The following MCPH1 variants were observed in gnomAD, a reference collection of about 807,000 sequenced individuals.
MCPH1 encodes the protein microcephalin 1.
In MCPH1, 104 loss-of-function variants were observed where a neutral mutation model predicts 84.5. That is an observed-to-expected ratio of 1.23 (90% CI 1.05 to 1.45). The LOEUF is 1.45. MCPH1 is among the 40% of genes most tolerant of loss of function. The pLI, the probability that MCPH1 is intolerant of heterozygous loss-of-function variation, is 0.00. For synonymous variants in MCPH1, 514 were observed against 366.8 expected, an observed-to-expected ratio of 1.40 and a Z score of -4.58; for missense variants, 1,498 against 1,005.7, an observed-to-expected ratio of 1.49 and a Z score of -6.62.
chr8:6,643,018 G>C lies in MCPH1; in HGVS notation c.2477G>C (p.Cys826Ser). 1 of 1,614,118 alleles carries C rather than the reference G, an allele frequency of 6.2e-7. No individual in the cohort carries two copies. The highest frequency in any genetic ancestry group is 8.5e-7 in the Non-Finnish European group (1 of 1,180,000). ...GATTCCATCACCCAGCACAAGGTCT[G>C]TGCCCCTGAAAACTACCTATTGTCA... is the stretch of plus-strand genomic sequence containing the variant. The part of the protein sequence containing the change: ...VLDSITQHKV[C>S]APENYLLSQ Residue 826 changes from cysteine to serine, a missense_variant, in exon 14 of 14, where the codon TGT (cysteine) becomes TCT (serine). Transcript: ENST00000344683.
At chr8:6,492,236 C>A (rs2916723) in intron 11 of MCPH1, among the ~76,000 whole-genome samples, 5 of 152,046 alleles carry the variant, frequency 3.3e-5, no homozygotes, top group African/African-American at 9.7e-5. Context: ...AGTGATGATG[C>A]GCATGTTTTC....
At chr8:6,521,165 T>C in intron 12 of MCPH1, 2 of 1,602,502 alleles carry the variant, frequency 1.2e-6, no homozygotes, top group Non-Finnish European at 1.7e-6. Context: ...GAAAGCATGA[T>C]ATGTAAACTT....
chr8:6,469,661 A>C (rs1362432988), intron 9 of MCPH1, among the ~76,000 whole-genome samples: 2 of 152,228 alleles, frequency 1.3e-5, no homozygotes, highest in Non-Finnish European at 2.9e-5. Flanking sequence ...TGTTTACCAA[A>C]GAACTGATAG....
At chr8:6,569,531 C>T (rs569783216) in intron 12 of MCPH1, among the ~76,000 whole-genome samples, 24 of 152,250 alleles carry the variant, frequency 1.6e-4, no homozygotes, top group East Asian at 1.9e-4. Context: ...TTCAAGTTAC[C>T]GTAAAGACAG....
intron 9 of MCPH1, among the ~76,000 whole-genome samples, chr8:6,476,250 G>A (rs951811607): frequency 1.3e-5 from 2 of 151,952 alleles, no homozygotes; most frequent in Non-Finnish European, 2.9e-5. Flanking sequence ...CCAACATGGT[G>A]GAACCCTGTC....
At chr8:6,428,981 A>T (rs937312393) in intron 3 of MCPH1, among the ~76,000 whole-genome samples, 4 of 152,088 alleles carry the variant, frequency 2.6e-5, no homozygotes, top group Non-Finnish European at 5.9e-5. Flanking sequence ...TGACTTTCTG[A>T]TAGGGAAGTG....
At chr8:6,627,642 G>C (rs1407763559) in intron 13 of MCPH1, among the ~76,000 whole-genome samples, 1 of 152,180 alleles carries the variant, frequency 6.6e-6, no homozygotes, top group Non-Finnish European at 1.5e-5. Flanking sequence ...TATAATCCCA[G>C]CACTTTAGGA....
rs548989241 is a variant in MCPH1 at position 6,628,190 on chromosome 8, G to A, written c.2452+6499G>A. ...TGTAAACATTTAAAAGCGTATTAAG[G>A]CTGGGCGCAGTGGCTCACTCCCGTC... On this transcript the variant is annotated intron_variant, in intron 13 of 13. Transcript: ENST00000344683. Among the ~76,000 whole-genome samples, 5 of 152,146 alleles carry A rather than the reference G, an allele frequency of 3.3e-5. No individual in the cohort carries two copies. The East Asian group carries it at 9.7e-4, about 29-fold the overall frequency.
chr8:6,462,661 G>T (rs1466797376), intron 9 of MCPH1, among the ~76,000 whole-genome samples: 2 of 152,156 alleles, frequency 1.3e-5, no homozygotes, highest in African/African-American at 4.8e-5. Context: ...TTACTCACCT[G>T]CTCTGTGGGT....
At chr8:6,485,609 A>C (rs912263212) in intron 11 of MCPH1, among the ~76,000 whole-genome samples, 1 of 151,470 alleles carries the variant, frequency 6.6e-6, no homozygotes, top group South Asian at 2.1e-4. Context: ...TTTTCCCCTC[A>C]TTCATGGCAA....
chr8:6,437,677 A>G (rs1467217776), intron 5 of MCPH1, among the ~76,000 whole-genome samples: 1 of 152,036 alleles, frequency 6.6e-6, no homozygotes, highest in Non-Finnish European at 1.5e-5. Context: ...GTGCGTGTCC[A>G]TCCTTCCTTC....
At chr8:6,535,875 C>T (rs1820386632) in intron 12 of MCPH1, among the ~76,000 whole-genome samples, 1 of 147,722 alleles carries the variant, frequency 6.8e-6, no homozygotes, top group Non-Finnish European at 1.5e-5. Context: ...TGGTGAAACC[C>T]ATCTCTACAA....
intron 12 of MCPH1, among the ~76,000 whole-genome samples, chr8:6,537,074 C>T (rs1232761859): frequency 6.6e-6 from 1 of 152,054 alleles, no homozygotes; most frequent in Non-Finnish European, 1.5e-5. Context: ...CTGTCATCTG[C>T]ACCGAACTGC....
intron 12 of MCPH1, among the ~76,000 whole-genome samples, chr8:6,531,586 C>A (rs1188932999): frequency 6.6e-6 from 1 of 152,210 alleles, no homozygotes; most frequent in Non-Finnish European, 1.5e-5. Flanking sequence ...GCTACTGCGC[C>A]TGGCCACTAG....
At chr8:6,619,002 A>G (rs1831136616) in intron 12 of MCPH1, 1 of 152,230 alleles carries the variant, frequency 6.6e-6, no homozygotes, top group East Asian at 1.9e-4. Context: ...TGTTTATAAC[A>G]GTGAGAAAAA....
chr8:6,625,483 G>C (rs1307485828), intron 13 of MCPH1: 2 of 985,006 alleles, frequency 2.0e-6, no homozygotes, highest in Non-Finnish European at 1.2e-6. Context: ...GAAAAACTAG[G>C]AATATATCAA....
At chr8:6,432,789 C>A (rs947397134) in intron 4 of MCPH1, among the ~76,000 whole-genome samples, 1 of 152,260 alleles carries the variant, frequency 6.6e-6, no homozygotes, top group Non-Finnish European at 1.5e-5. Flanking sequence ...TCAGTCTTAC[C>A]TGATTATAGG....
chr8:6,643,699 A>T lies in MCPH1; in HGVS notation c.*650A>T, dbSNP rs1470272125. 1 of 154,022 alleles carries T rather than the reference A, an allele frequency of 6.5e-6. No individual in the cohort carries two copies. The highest frequency in any genetic ancestry group is 2.0e-4 in the South Asian group (1 of 4,952). 9.5% of individuals were successfully genotyped at this position (154,022 alleles called of 1,614,324 possible). A position where few individuals can be genotyped will look rare whatever the true frequency, so the allele number is the denominator to read the frequency against. On this transcript the variant is annotated 3_prime_UTR_variant, in exon 14 of 14. Coordinates refer to ENST00000344683, the MANE Select transcript of MCPH1 (RefSeq NM_024596.5). Reference sequence around the variant, plus strand: ...GCTTAGACTCGATCTTTATTAATACATTATCTATTAGGTAGGAAAGACATT... The same window carrying T: ...GCTTAGACTCGATCTTTATTAATACTTTATCTATTAGGTAGGAAAGACATT...
chr8:6,512,260 CA>C (rs999393286), intron 12 of MCPH1, among the ~76,000 whole-genome samples: 1 of 152,168 alleles, frequency 6.6e-6, no homozygotes, highest in African/African-American at 2.4e-5. Flanking sequence ...GTTGGTTGTT[CA>C]GGCAACTTGA....
Sources: gnomAD v4.1 joint callset for allele counts (sites outside exome capture counted in the v4.1 genomes callset) on GRCh38, gnomAD v4.1.1 for gene constraint, MANE v1.5 for transcripts, NCBI Gene and HGNC (gene_info 2026-07-23, HGNC 2026-07-21) for gene names.